ADAMTS17: variants seen among roughly 807,000 people sequenced by gnomAD.
The protein encoded by ADAMTS17 is A disintegrin and metalloproteinase with thrombospondin motifs 17.
ADAMTS17 carries 113 observed loss-of-function variants against 141.5 expected under a neutral mutation model. The observed-to-expected ratio is 0.80, with a 90% CI of 0.69 to 0.93. The LOEUF (loss-of-function observed/expected upper bound fraction) is 0.93, where lower values mean the gene tolerates loss of function less well. Among genes scored for constraint, ADAMTS17 ranks in the 40% least tolerant of loss-of-function variants. The pLI is 0.00. For synonymous variants in ADAMTS17, 768 were observed against 630.6 expected, an observed-to-expected ratio of 1.22 and a Z score of -3.27; for missense variants, 1,659 against 1,517.9, an observed-to-expected ratio of 1.09 and a Z score of -1.54.
chr15:100,259,843 T>C (rs2043454250), intron 6 of ADAMTS17, among the ~76,000 whole-genome samples: 1 of 152,124 alleles, frequency 6.6e-6, no homozygotes, highest in African/African-American at 2.4e-5. Flanking sequence ...TCTAGGATTT[T>C]GGTTTTTGTT....
chr15:100,330,878 C>G lies in ADAMTS17; in HGVS notation c.616+11G>C. On this transcript the variant is annotated intron_variant, in intron 3 of 21. Coordinates refer to ENST00000268070, the MANE Select transcript of ADAMTS17 (RefSeq NM_139057.4). ...GTGTTCTAAGCTGGTCATGCTGCTG[C>G]CCCGACTCACCTGTTAGAACCTTGC... 1.2e-6 allele frequency: 2 copies of G among 1,613,870 alleles called. No individual in the cohort carries two copies. Among genetic ancestry groups the G allele is most frequent in the Non-Finnish European group, 1.7e-6 (2 of 1,179,772 alleles).
chr15:99,988,718 A>G (rs2060638106), intron 20 of ADAMTS17, among the ~76,000 whole-genome samples: 1 of 152,140 alleles, frequency 6.6e-6, no homozygotes, highest in Non-Finnish European at 1.5e-5. Flanking sequence ...ACGGCCAGGC[A>G]AAAGGCTCCA....
chr15:100,024,034 A>C (rs1032588627), intron 18 of ADAMTS17, among the ~76,000 whole-genome samples: 4 of 152,228 alleles, frequency 2.6e-5, no homozygotes, highest in African/African-American at 9.6e-5. Context: ...TATACTGTGC[A>C]TCGCTATTGA....
At chr15:100,331,212 G>A (rs984717880) in intron 2 of ADAMTS17, among the ~76,000 whole-genome samples, 158 bp from the exon 3 acceptor site, 1 of 152,202 alleles carries the variant, frequency 6.6e-6, no homozygotes, top group Non-Finnish European at 1.5e-5. Context: ...GAGCCCAAGA[G>A]TGAGCTTGTG....
At chr15:100,244,525 G>A (rs143240220) in intron 7 of ADAMTS17, among the ~76,000 whole-genome samples, 29 of 151,964 alleles carry the variant, frequency 1.9e-4, no homozygotes, top group Non-Finnish European at 3.5e-4. Context: ...TTCCTGTGCT[G>A]TTCTGGTGAT....
At chr15:100,279,202 C>T (rs576574505) in intron 4 of ADAMTS17, among the ~76,000 whole-genome samples, 1 of 152,326 alleles carries the variant, frequency 6.6e-6, no homozygotes, top group African/African-American at 2.4e-5. Flanking sequence ...CCCTGTCCAG[C>T]CATGAGGACC....
intron 3 of ADAMTS17, among the ~76,000 whole-genome samples, chr15:100,283,233 G>A (rs1411151331): frequency 2.0e-5 from 3 of 152,136 alleles, no homozygotes; most frequent in Non-Finnish European, 2.9e-5. Flanking sequence ...CATCTCCCCT[G>A]AAGCCTTCCG....
intron 3 of ADAMTS17, among the ~76,000 whole-genome samples, chr15:100,298,121 G>A (rs1344660040): frequency 2.0e-5 from 3 of 152,132 alleles, no homozygotes; most frequent in Non-Finnish European, 4.4e-5. Context: ...TGTTTGGCCC[G>A]CGAGGAAATG....
rs371995088 is a variant in ADAMTS17 at position 100,199,371 on chromosome 15, G to A, written c.1128C>T (p.Ala376=). 40 of 1,614,028 alleles carry A rather than the reference G, an allele frequency of 2.5e-5. No individual in the cohort carries two copies. The highest frequency in any genetic ancestry group is 6.7e-5 in the Admixed American group (4 of 60,006). Residue 376 remains alanine, a synonymous_variant, in exon 8 of 22, where the codon GCC becomes GCT. Coordinates refer to ENST00000268070, the MANE Select transcript of ADAMTS17 (RefSeq NM_139057.4). ...AGGCCAAATTGAGACCATTGTCTTC[G>A]GCAAGCACACACTTCCTCTTAGCAC... is the stretch of plus-strand genomic sequence containing the variant. ...VCSAKRKCVL[A]EDNGLNLAFT...
chr15:100,013,741 A>T (rs1286863905), intron 18 of ADAMTS17, among the ~76,000 whole-genome samples: 1 of 152,174 alleles, frequency 6.6e-6, no homozygotes, highest in Non-Finnish European at 1.5e-5. Context: ...AATCCACTTG[A>T]TCATGGTAGA....
At chr15:100,073,707 G>T (rs2034155067) in intron 15 of ADAMTS17, among the ~76,000 whole-genome samples, 1 of 137,576 alleles carries the variant, frequency 7.3e-6, no homozygotes, top group Non-Finnish European at 1.5e-5. Flanking sequence ...GGTGGGAATT[G>T]AACAATGAGA....
At chr15:100,229,556 G>T (rs748708650) in intron 7 of ADAMTS17, among the ~76,000 whole-genome samples, 1 of 152,154 alleles carries the variant, frequency 6.6e-6, no homozygotes, top group African/African-American at 2.4e-5. Context: ...ACCACAGCAA[G>T]GCTGGTCCCG....
intron 7 of ADAMTS17, among the ~76,000 whole-genome samples, chr15:100,237,522 C>A (rs1468171209): frequency 6.6e-5 from 10 of 152,224 alleles, no homozygotes; most frequent in Non-Finnish European, 1.3e-4. Flanking sequence ...ACAGAGCAGG[C>A]ATTGTGCAGG....
chr15:100,089,513 C>G (rs1405080354), intron 15 of ADAMTS17, among the ~76,000 whole-genome samples: 1 of 151,126 alleles, frequency 6.6e-6, no homozygotes, highest in African/African-American at 2.5e-5. Flanking sequence ...AATCATGCTG[C>G]TATAAAGACA....
At position 100,317,950 on chromosome 15, in the gene ADAMTS17, C is replaced by T. The variant is rs146751510; in HGVS notation, c.616+12939G>A. On this transcript the variant is annotated intron_variant, in intron 3 of 21. Coordinates refer to ENST00000268070, the MANE Select transcript of ADAMTS17 (RefSeq NM_139057.4). The stretch of plus-strand genomic sequence containing the variant: ...CGGCCAAGAGCAGAGCATAGGACAG[C>T]GTCCTGTGAATGGGACATGTGCTTT... Among the ~76,000 whole-genome samples the T allele has an allele frequency of 1.6e-3, 250 of 152,214 alleles. 1 individual carries two copies. Among genetic ancestry groups the T allele is most frequent in the African/African-American group, 5.6e-3 (233 of 41,524 alleles).
intron 8 of ADAMTS17, among the ~76,000 whole-genome samples, chr15:100,170,708 G>C (rs2040126625): frequency 6.6e-6 from 1 of 152,202 alleles, no homozygotes; most frequent in African/African-American, 2.4e-5. Flanking sequence ...AGAACAGCAA[G>C]TACTTTTGTT....
intron 3 of ADAMTS17, among the ~76,000 whole-genome samples, chr15:100,309,461 C>T (rs1355295769): frequency 6.6e-6 from 1 of 152,312 alleles, no homozygotes; most frequent in African/African-American, 2.4e-5. Context: ...TGCCCAAGCC[C>T]CCTCAGTGAG....
intron 7 of ADAMTS17, among the ~76,000 whole-genome samples, 190 bp downstream of exon 7, chr15:100,253,946 T>C (rs903164549): frequency 6.6e-6 from 1 of 152,064 alleles, no homozygotes; most frequent in African/African-American, 2.4e-5. Flanking sequence ...CTAGATGCCT[T>C]CTGCCATCAA....
At chr15:99,998,783 C>G (rs2060859099) in intron 18 of ADAMTS17, among the ~76,000 whole-genome samples, 1 of 152,112 alleles carries the variant, frequency 6.6e-6, no homozygotes, top group South Asian at 2.1e-4. Context: ...TAAGGGATCT[C>G]CCCTGCTTGC....
Sources: gnomAD v4.1 joint callset for allele counts (sites outside exome capture counted in the v4.1 genomes callset) on GRCh38, gnomAD v4.1.1 for gene constraint, MANE v1.5 for transcripts, NCBI Gene and HGNC (gene_info 2026-07-23, HGNC 2026-07-21) for gene names.